The following CFAP54 variants were observed in gnomAD, a reference collection of about 807,000 sequenced individuals.
CFAP54 encodes the protein cilia- and flagella-associated protein 54.
CFAP54 carries 290 observed loss-of-function variants against 370.4 expected under a neutral mutation model. The ratio of observed to expected loss-of-function variants is 0.78; its 90% CI spans 0.71 to 0.86. The LOEUF is 0.86. Ranked by LOEUF, CFAP54 falls within the 40% of genes least tolerant of loss-of-function variation. The pLI is 0.00. For synonymous variants in CFAP54, 1,206 were observed against 1,236.5 expected, an observed-to-expected ratio of 0.98 and a Z score of 0.52; for missense variants, 3,399 against 3,528.7, an observed-to-expected ratio of 0.96 and a Z score of 0.93.
chr12:96,873,538 C>T (rs1296747020), intron 67 of CFAP54, among the ~76,000 whole-genome samples: 1 of 152,152 alleles, frequency 6.6e-6, no homozygotes. Context: ...TGTCTTCAGT[C>T]TAGTTTTCCT....
intron 60 of CFAP54, among the ~76,000 whole-genome samples, chr12:96,767,418 C>T (rs1429913120): frequency 6.6e-6 from 1 of 152,190 alleles, no homozygotes; most frequent in Non-Finnish European, 1.5e-5. Flanking sequence ...AATACTAGAA[C>T]CTAAGCTTTC....
At chr12:96,712,028 C>G (rs1214571123) in intron 48 of CFAP54, among the ~76,000 whole-genome samples, 1 of 151,894 alleles carries the variant, frequency 6.6e-6, no homozygotes, top group East Asian at 1.9e-4. Flanking sequence ...GTATCTCTAC[C>G]CTCTTCATAG....
At chr12:96,753,944 C>A (rs756488324) in intron 56 of CFAP54, 46 bp downstream of exon 56, 8 of 1,574,734 alleles carry the variant, frequency 5.1e-6, no homozygotes, top group South Asian at 1.2e-5. Flanking sequence ...TTATGGAATT[C>A]TTTTTTCTGT....
intron 45 of CFAP54, among the ~76,000 whole-genome samples, chr12:96,699,469 A>G (rs1957469247): frequency 6.6e-6 from 1 of 152,194 alleles, no homozygotes; most frequent in African/African-American, 2.4e-5. Flanking sequence ...AAACCTGCAC[A>G]GGTACCCTGA....
chr12:96,497,920 T>A (rs1251469425), intron 1 of CFAP54, among the ~76,000 whole-genome samples: 2 of 152,220 alleles, frequency 1.3e-5, no homozygotes, highest in Non-Finnish European at 2.9e-5. Context: ...GTTGCCCAAC[T>A]CTGTAACTGA....
intron 48 of CFAP54, among the ~76,000 whole-genome samples, chr12:96,716,697 A>C (rs1957683487): frequency 6.6e-6 from 1 of 152,196 alleles, no homozygotes; most frequent in South Asian, 2.1e-4. Context: ...ACCATCTGAA[A>C]CACTCTGCTC....
intron 26 of CFAP54, among the ~76,000 whole-genome samples, chr12:96,619,106 C>A (rs914730831): frequency 2.6e-5 from 4 of 152,180 alleles, no homozygotes; most frequent in African/African-American, 9.7e-5. Context: ...TCATGCAATC[C>A]ACCTGCCTGC....
intron 53 of CFAP54, 47 bp downstream of exon 53, chr12:96,743,606 G>GGA (rs769972772): frequency 1.9e-6 from 3 of 1,609,490 alleles, no homozygotes; most frequent in Non-Finnish European, 2.5e-6. Context: ...AGGGATTCCA[G>GGA]TTAGAACAAA....
intron 4 of CFAP54, among the ~76,000 whole-genome samples, chr12:96,510,458 C>T (rs1955153309): frequency 6.6e-6 from 1 of 152,036 alleles, no homozygotes; most frequent in Non-Finnish European, 1.5e-5. Flanking sequence ...GTGAAAGGCA[C>T]CTTTTTGAAA....
At position 96,503,066 on chromosome 12, in the gene CFAP54, CTCTCTTTCTTTCTT is replaced by C. The variant is rs202068946; in HGVS notation, c.424-800_424-787del. ...TCTCTCCCTCCCTTCCTTTCTCTCT[CTCTCTTTCTTTCTT>C]TCTCTTTCTTTCTTTCTCTCTCTCT... is the stretch of plus-strand genomic sequence containing the variant. On this transcript the variant is annotated intron_variant, in intron 2 of 67. Transcript: ENST00000524981. Among the ~76,000 whole-genome samples, 269 of 111,638 alleles carry C rather than the reference CTCTCTTTCTTTCTT, an allele frequency of 2.4e-3. 4 individuals are homozygous for C. Among genetic ancestry groups the C allele is most frequent in the Non-Finnish European group, 9.6e-4 (53 of 54,994 alleles). 73.2% of individuals were successfully genotyped at this position (111,638 alleles called of 152,430 possible).
chr12:96,490,063 C>G, intron 1 of CFAP54, 137 bp downstream of exon 1: 1 of 769,096 alleles, frequency 1.3e-6, no homozygotes, highest in East Asian at 2.7e-5. Context: ...CCAGGAGAGA[C>G]AAAGTTTAAG....
chr12:96,634,046 C>CTT (rs71437232), intron 32 of CFAP54, among the ~76,000 whole-genome samples: 1,048 of 56,896 alleles, frequency 0.018, 302 homozygotes, highest in South Asian at 0.02. Context: ...TAGCGAACAT[C>CTT]TTTTTTTTTT....
intron 30 of CFAP54, among the ~76,000 whole-genome samples, 171 bp downstream of exon 30, chr12:96,627,110 A>G (rs2136471842): frequency 6.6e-6 from 1 of 152,344 alleles, no homozygotes; most frequent in Non-Finnish European, 1.5e-5. Flanking sequence ...ACTAAAAATA[A>G]AAATATATAT....
intron 60 of CFAP54, among the ~76,000 whole-genome samples, chr12:96,778,018 A>G (rs965453094): frequency 6.6e-6 from 1 of 152,266 alleles, no homozygotes; most frequent in Non-Finnish European, 1.5e-5. Context: ...AATTTTAAAA[A>G]TAAAAACAAA....
Position 96,630,223 on chromosome 12 carries a change from T to C in CFAP54, c.4215+19T>C. The C allele has an allele frequency of 7.8e-7, 1 of 1,275,660 alleles. No individual in the cohort carries two copies. The highest frequency in any genetic ancestry group is 1.1e-6 in the Non-Finnish European group (1 of 947,146). 79.0% of individuals were successfully genotyped at this position (1,275,660 alleles called of 1,614,324 possible). A position where few individuals can be genotyped will look rare whatever the true frequency, so the allele number is the denominator to read the frequency against. Reference sequence around the variant, plus strand: ...TGGAAGAGTAAGTTTCCTATGAGTTTTGAATTTTAGGTAATGAAATTAAGA... The same window carrying C: ...TGGAAGAGTAAGTTTCCTATGAGTTCTGAATTTTAGGTAATGAAATTAAGA... On this transcript the variant is annotated intron_variant, in intron 31 of 67. Transcript: ENST00000524981.
intron 50 of CFAP54, among the ~76,000 whole-genome samples, chr12:96,723,869 C>T (rs1957792865): frequency 7.2e-6 from 1 of 138,044 alleles, no homozygotes; most frequent in Non-Finnish European, 1.5e-5. Flanking sequence ...TGATGTTCCC[C>T]TTCCTGTGTC....
rs1431679164 is a variant in CFAP54 at position 96,581,012 on chromosome 12, A to G, written c.2982A>G (p.Gly994=). The change falls in exon 22 of 68, where the codon GGA becomes GGG. Residue 994 remains glycine (G), a synonymous_variant. Coordinates refer to ENST00000524981, the MANE Select transcript of CFAP54 (RefSeq NM_001306084.2). The part of the protein sequence containing the change: ...VFAVAAYSNN[G]KLVGGAIGET... ...CAGTTGCTGCCTATTCTAACAACGG[A>G]AAGCTTGTCGGTGGTGCTATTGGGG... is the stretch of plus-strand genomic sequence containing the variant. 3 of 1,534,344 alleles carry G rather than the reference A, an allele frequency of 2.0e-6. No individual in the cohort carries two copies. Among genetic ancestry groups the G allele is most frequent in the Admixed American group, 2.0e-5 (1 of 50,858 alleles).
Position 96,875,115 on chromosome 12 carries a change from T to C in CFAP54, c.*15-3T>C, listed in dbSNP as rs2136477720. 1.3e-5 allele frequency: 2 copies of C among 152,270 alleles called. No individual in the cohort carries two copies. The highest frequency in any genetic ancestry group is 6.8e-3 in the Middle Eastern group (2 of 294). 9.4% of individuals were successfully genotyped at this position (152,270 alleles called of 1,614,324 possible). A position where few individuals can be genotyped will look rare whatever the true frequency, so the allele number is the denominator to read the frequency against. On this transcript the variant is annotated splice_polypyrimidine_tract_variant and splice_region_variant and intron_variant, in intron 67 of 67. Coordinates refer to ENST00000524981, the MANE Select transcript of CFAP54 (RefSeq NM_001306084.2). Reference sequence around the variant, plus strand: ...AAGGTATTACTCTTTTTTCCTCCTCTAGGGATGATAAAACTGAGAAATAAA... The same window carrying C: ...AAGGTATTACTCTTTTTTCCTCCTCCAGGGATGATAAAACTGAGAAATAAA...
Position 96,693,770 on chromosome 12 carries a change from C to T in CFAP54, c.6313C>T (p.Gln2105Ter). ...LYQYFVSGICQDITRNLEARI... is the reference protein window; with the variant it reads ...LYQYFVSGIC ...TCAATATTTTGTTTCTGGAATTTGT[C>T]AAGACATAACAAGAAATCTAGAAGC... The change falls in exon 45 of 68, where the codon CAA becomes TAA. Residue 2105 changes from glutamine to a stop codon, truncating the protein, a stop_gained. Transcript: ENST00000524981. LOFTEE classifies it high-confidence loss of function. 1 of 1,598,106 alleles carries T rather than the reference C, an allele frequency of 6.3e-7. No homozygotes were observed. Among genetic ancestry groups the T allele is most frequent in the African/African-American group, 1.3e-5 (1 of 74,568 alleles).
Sources: gnomAD v4.1 joint callset for allele counts (sites outside exome capture counted in the v4.1 genomes callset) on GRCh38, gnomAD v4.1.1 for gene constraint, MANE v1.5 for transcripts, NCBI Gene and HGNC (gene_info 2026-07-23, HGNC 2026-07-21) for gene names.